NBPF11: variants seen among roughly 807,000 people sequenced by gnomAD.
NBPF11 encodes NBPF family member NBPF11.
Under a neutral mutation model 93.9 loss-of-function variants are expected in NBPF11, and 72 were observed. That is an observed-to-expected ratio of 0.77 (90% CI 0.63 to 0.93). The LOEUF (loss-of-function observed/expected upper bound fraction) is 0.93. NBPF11 is among the 40% of genes least tolerant of loss of function. The pLI is 0.00. For missense variants in NBPF11, 705 were observed against 802.2 expected (o/e 0.88, Z 1.46); for synonymous variants, 224 against 304.9 (o/e 0.73, Z 2.76).
Position 148,122,124 on chromosome 1 carries a change from T to A in NBPF11, c.709A>T (p.Asn237Tyr). Residue 237 changes from asparagine to tyrosine, a missense_variant, in exon 9 of 24, where the codon AAC (asparagine) becomes TAC (tyrosine). Coordinates refer to ENST00000682118, the MANE Select transcript of NBPF11 (RefSeq NM_001385469.3). The stretch of plus-strand genomic sequence containing the variant: ...TCTCTGTCTACAACCAGAGATGAGT[T>A]GACTTTGTCTTCCTCAAATGTGATT... ...IKITFEEDKV[N>Y]SSLVVDRESS... The A allele has an allele frequency of 6.2e-7, 1 of 1,613,452 alleles. No individual in the cohort carries two copies. Among genetic ancestry groups the A allele is most frequent in the Admixed American group, 1.7e-5 (1 of 60,014 alleles).
chr1:148,126,125 C>T (rs1445060613), intron 5 of NBPF11, among the ~76,000 whole-genome samples: 13 of 151,812 alleles, frequency 8.6e-5, no homozygotes, highest in East Asian at 3.9e-4. Flanking sequence ...CTCAGCCTCC[C>T]GATTAGTGGT....
At chr1:148,146,611 C>G (rs1252459931) in intron 1 of NBPF11, 212 of 1,610,464 alleles carry the variant, frequency 1.3e-4, no homozygotes, top group Middle Eastern at 2.2e-4. Flanking sequence ...CCTGACGGAG[C>G]GTGCCGACTT....
At chr1:148,146,355 CG>C (rs1275089596) in intron 1 of NBPF11, 11 of 1,479,992 alleles carry the variant, frequency 7.4e-6, no homozygotes, top group Non-Finnish European at 9.8e-6. Flanking sequence ...GCGTTGTTGG[CG>C]GGGGCCCCGG....
At chr1:148,136,901 A>G (rs1413967211) in intron 3 of NBPF11, among the ~76,000 whole-genome samples, 85 of 152,000 alleles carry the variant, frequency 5.6e-4, no homozygotes, top group African/African-American at 1.9e-3. Context: ...TAAGCTTTTG[A>G]TCTGATGTGG....
chr1:148,145,890 A>C (rs1672918529), intron 1 of NBPF11, among the ~76,000 whole-genome samples: 1 of 151,760 alleles, frequency 6.6e-6, no homozygotes, highest in African/African-American at 2.4e-5. Flanking sequence ...AAAAAGAAAA[A>C]AAATTAGAGA....
At chr1:148,131,250 G>A in intron 4 of NBPF11, among the ~76,000 whole-genome samples, 1 of 150,886 alleles carries the variant, frequency 6.6e-6, no homozygotes, top group Non-Finnish European at 1.5e-5. Flanking sequence ...TTTTTCCTGG[G>A]CCTTAAAGCA....
Position 148,115,927 on chromosome 1 carries a change from T to C in NBPF11, c.1451A>G (p.Asn484Ser), listed in dbSNP as rs1666412002. 14 of 1,585,706 alleles carry C rather than the reference T, an allele frequency of 8.8e-6. No individual in the cohort carries two copies. The South Asian group carries it at 1.4e-4, about 16-fold the overall frequency. The part of the protein sequence containing the change: ...SLEECAITCS[N>S]SHGPYDSNQP... ...GTTGGAGTCATAAGGGCCATGGCTA[T>C]TTGAACAAGTGATGGCACACTCCTC... Residue 484 changes from asparagine to serine, a missense_variant, in exon 14 of 24, where the codon AAT becomes AGT. Physicochemically the swap from Asn to Ser is conservative, Grantham distance 46. This residue lies in a region of NBPF11 where 54 missense variants were observed against 91.8 expected (regional missense o/e 0.59). Transcript: ENST00000682118.
chr1:148,104,032 T>C, intron 23 of NBPF11, 120 bp from the exon 24 acceptor site: 3 of 1,596,846 alleles, frequency 1.9e-6, no homozygotes, highest in Non-Finnish European at 2.6e-6. Flanking sequence ...GATCCATTAA[T>C]GAGGTAACAA....
At chr1:148,128,346 GCCAGGTGTGTAGTGATAT>G (rs1476682964) in intron 4 of NBPF11, among the ~76,000 whole-genome samples, 1 of 81,208 alleles carries the variant, frequency 1.2e-5, no homozygotes. Flanking sequence ...TTTAAACTAT[GCCAGGTGTGTAGTGATAT>G]CCTAAAATTT....
intron 2 of NBPF11, among the ~76,000 whole-genome samples, chr1:148,142,275 T>TAG (rs1369339258): frequency 8.5e-4 from 129 of 151,968 alleles, no homozygotes; most frequent in African/African-American, 2.6e-3. Flanking sequence ...AACTAGTTAT[T>TAG]AGAGAGAGAC....
chr1:148,106,535 T>C lies in NBPF11; in HGVS notation c.2252-303A>G, dbSNP rs1407686157. Reference sequence around the variant, plus strand: ...CAAAGAAAATGCCCCAGAGGATTTCTAGGAGGAAAACTAAAGTATTCAGCC... The same window carrying C: ...CAAAGAAAATGCCCCAGAGGATTTCCAGGAGGAAAACTAAAGTATTCAGCC... On this transcript the variant is annotated intron_variant, in intron 20 of 23. Coordinates refer to ENST00000682118, the MANE Select transcript of NBPF11 (RefSeq NM_001385469.3). 4.3e-5 allele frequency among the ~76,000 whole-genome samples: 6 copies of C among 138,308 alleles called. 1 individual carries two copies. The South Asian group carries it at 6.7e-4, about 15-fold the overall frequency. The allele number at this position is 138,308 out of a possible 152,430, so 90.7% of individuals were successfully genotyped here. A position where few individuals can be genotyped will look rare whatever the true frequency, so the allele number is the denominator to read the frequency against.
chr1:148,133,398 T>A (rs1317899389), intron 4 of NBPF11, among the ~76,000 whole-genome samples: 4 of 152,144 alleles, frequency 2.6e-5, no homozygotes, highest in Non-Finnish European at 4.4e-5. Flanking sequence ...TTTTCTCTGA[T>A]TTAATAGAAA....
rs1306513707 is a variant in NBPF11, at chr1:148,106,196, C to A, written c.2288G>T (p.Gly763Val). 12 of 939,660 alleles carry A rather than the reference C, an allele frequency of 1.3e-5. No individual in the cohort carries two copies. The highest frequency in any genetic ancestry group is 1.1e-4 in the African/African-American group (7 of 61,070). The allele number at this position is 939,660 out of a possible 1,614,324, so 58.2% of individuals were successfully genotyped here. ...KKDQEEEEDQ[G>V]PPCPRLSREL... ...GCTCAGTTACCTGGGGCACGGTGGG[C>A]CTTGGTCTTCTTCCTCTTCTTGGTC... The change falls in exon 21 of 24, where the codon GGC becomes GTC. Residue 763 changes from glycine to valine, a missense_variant. Physicochemically the swap from Gly to Val is moderately radical, Grantham distance 109 (BLOSUM62 -3). This residue lies in a region of NBPF11 where 109 missense variants were observed against 83.3 expected (regional missense o/e 1.31). Coordinates refer to ENST00000682118, the MANE Select transcript of NBPF11 (RefSeq NM_001385469.3).
intron 4 of NBPF11, among the ~76,000 whole-genome samples, chr1:148,133,953 G>C (rs1414556632): frequency 2.4e-4 from 37 of 151,436 alleles, no homozygotes; most frequent in Middle Eastern, 6.8e-3. Flanking sequence ...ACCACCACAT[G>C]TCCCTGCCTC....
chr1:148,108,979 C>G (rs1295331009), intron 17 of NBPF11, among the ~76,000 whole-genome samples: 1 of 151,192 alleles, frequency 6.6e-6, no homozygotes, highest in Non-Finnish European at 1.5e-5. Flanking sequence ...ACACAGTGAA[C>G]AGTGATCATG....
In NBPF11 at chr1:148,106,185, G is replaced by C. The variant is rs1429293631; in HGVS notation, c.2299C>G (p.Pro767Ala). ...TGTTCACAATTGCTCAGTTACCTGGGGCACGGTGGGCCTTGGTCTTCTTCC... is the reference window on the plus strand; with the variant it reads ...TGTTCACAATTGCTCAGTTACCTGGCGCACGGTGGGCCTTGGTCTTCTTCC... Reference protein sequence around the residue: ...EEEEDQGPPCPRLSRELLEVV... With the variant: ...EEEEDQGPPCARLSRELLEVV... Residue 767 changes from proline (P) to alanine (A), a missense_variant, in exon 21 of 24, where the codon CCC (proline) becomes GCC (alanine). By Grantham distance (27) the Pro-to-Ala change is conservative. Transcript: ENST00000682118. 108 of 923,880 alleles carry C rather than the reference G, an allele frequency of 1.2e-4. No homozygotes were observed. The highest frequency in any genetic ancestry group is 9.8e-4 in the South Asian group (76 of 77,322). The allele number at this position is 923,880 out of a possible 1,614,324, so 57.2% of individuals were successfully genotyped here.
rs1443775830 is a variant in NBPF11, at chr1:148,126,704, C to T, written c.175+125G>A. On this transcript the variant is annotated intron_variant, in intron 5 of 23. Coordinates refer to ENST00000682118, the MANE Select transcript of NBPF11 (RefSeq NM_001385469.3). ...TGGTACCTCTGTCTTCCAACTTTAA[C>T]AAAATGTTAAAATACCCATTTCTGT... The T allele has an allele frequency of 3.8e-3, 2,449 of 648,166 alleles. 54 individuals are homozygous for T. In the African/African-American group the frequency reaches 0.041, roughly 11 times the overall value. 40.2% of individuals were successfully genotyped at this position (648,166 alleles called of 1,614,324 possible).
Position 148,122,123 on chromosome 1 carries a change from T to C in NBPF11, c.710A>G (p.Asn237Ser), listed in dbSNP as rs1235794790. 2 of 1,613,364 alleles carry C rather than the reference T, an allele frequency of 1.2e-6. No homozygotes were observed. The highest frequency in any genetic ancestry group is 1.7e-6 in the Non-Finnish European group (2 of 1,179,562). ...IKITFEEDKV[N>S]SSLVVDRESS... ...TTCTCTGTCTACAACCAGAGATGAG[T>C]TGACTTTGTCTTCCTCAAATGTGAT... is the stretch of plus-strand genomic sequence containing the variant. The change falls in exon 9 of 24, where the codon AAC (asparagine) becomes AGC (serine). Residue 237 changes from asparagine to serine, a missense_variant. Asn to Ser is a conservative substitution (Grantham distance 46). Around this residue, in one of 12 missense-constraint regions of NBPF11, gnomAD observed 262 missense variants for 223.1 expected, o/e 1.17. Coordinates refer to ENST00000682118, the MANE Select transcript of NBPF11 (RefSeq NM_001385469.3).
At chr1:148,129,113 A>C in intron 4 of NBPF11, among the ~76,000 whole-genome samples, 1 of 145,648 alleles carries the variant, frequency 6.9e-6, no homozygotes, top group Non-Finnish European at 1.5e-5. Context: ...TAATATATAT[A>C]CACGTGTATA....
Sources: gnomAD v4.1 joint callset for allele counts (sites outside exome capture counted in the v4.1 genomes callset) on GRCh38, gnomAD v4.1.1 for gene constraint, gnomAD v4.1.1 regional missense constraint, MANE v1.5 for transcripts, NCBI Gene and HGNC (gene_info 2026-07-23, HGNC 2026-07-21) for gene names.